CLYBL: variants seen among roughly 807,000 people sequenced by gnomAD.
CLYBL encodes the protein citramalyl-CoA lyase, also known as citramalyl-CoA lyase, mitochondrial.
A neutral mutation model predicts 38.9 loss-of-function variants in CLYBL; 31 were observed. The observed-to-expected ratio is 0.80, with a 90% CI of 0.60 to 1.08. The LOEUF (loss-of-function observed/expected upper bound fraction) is 1.08, where lower values mean the gene tolerates loss of function less well. CLYBL is among the 50% of genes least tolerant of loss of function. CLYBL has a pLI of 0.00. For synonymous variants in CLYBL, 171 were observed against 158.6 expected, an observed-to-expected ratio of 1.08 and a Z score of -0.59; for missense variants, 434 against 411.6, an observed-to-expected ratio of 1.05 and a Z score of -0.47.
intron 2 of CLYBL, among the ~76,000 whole-genome samples, chr13:99,838,826 AGACAGG>A (rs1294360462): frequency 2.6e-5 from 4 of 152,240 alleles, no homozygotes; most frequent in African/African-American, 9.6e-5. Context: ...TTTTTAGTAG[AGACAGG>A]GTTTCACTGT....
At position 99,648,148 on chromosome 13, in the gene CLYBL, G is replaced by A. The variant is rs752660731; in HGVS notation, c.62+41391G>A. On this transcript the variant is annotated intron_variant, in intron 1 of 8. Coordinates refer to ENST00000339105, the MANE Select transcript of CLYBL (RefSeq NM_206808.5). ...ACAGACAAATAAAGAAAGTATGTTC[G>A]GGGGGGAAAAATCCTTTTTAAAAAT... 3.3e-5 allele frequency among the ~76,000 whole-genome samples: 5 copies of A among 151,962 alleles called. No homozygotes were observed. In the East Asian group the frequency reaches 7.7e-4, roughly 23 times the overall value.
chr13:99,884,385 C>T (rs2052292267), intron 7 of CLYBL, among the ~76,000 whole-genome samples: 1 of 152,104 alleles, frequency 6.6e-6, no homozygotes. Context: ...CATCATGTGC[C>T]CTGGTCTGTC....
chr13:99,863,311 A>C (rs1254519558), intron 4 of CLYBL, among the ~76,000 whole-genome samples: 1 of 152,250 alleles, frequency 6.6e-6, no homozygotes, highest in African/African-American at 2.4e-5. Flanking sequence ...AAAGCTTCCC[A>C]GTCCAAAATA....
At chr13:99,870,859 G>C in intron 6 of CLYBL, 79 bp from the exon 7 acceptor site, 1 of 1,471,814 alleles carries the variant, frequency 6.8e-7, no homozygotes, top group Admixed American at 2.2e-5. Flanking sequence ...AGGCCTTCAG[G>C]AACCTCACGC....
intron 1 of CLYBL, among the ~76,000 whole-genome samples, chr13:99,695,142 C>A (rs1463002597): frequency 2.0e-5 from 3 of 152,094 alleles, no homozygotes. Context: ...TTAAAAGTTC[C>A]TGCTACCGTT....
chr13:99,859,300 AG>A (rs1365857250), intron 3 of CLYBL, among the ~76,000 whole-genome samples: 1 of 152,220 alleles, frequency 6.6e-6, no homozygotes, highest in African/African-American at 2.4e-5. Flanking sequence ...TGGTTTGGCC[AG>A]AACAGCCTCC....
chr13:99,660,852 TGTGTTGAAAA>T (rs145468436), intron 1 of CLYBL, among the ~76,000 whole-genome samples: 3,598 of 152,266 alleles, frequency 0.024, 126 homozygotes, highest in African/African-American at 0.081. Flanking sequence ...TGTGTTGCAG[TGTGTTGAAAA>T]ATCAGTACTT....
chr13:99,899,924 TTTTA>T (rs943535081), downstream of CLYBL, among the ~76,000 whole-genome samples: 8 of 151,998 alleles, frequency 5.3e-5, no homozygotes, highest in African/African-American at 9.7e-5. Context: ...TTATTTTTAT[TTTTA>T]TTTATTTATT....
At chr13:99,853,938 G>C (rs143895205) in intron 2 of CLYBL, among the ~76,000 whole-genome samples, 1 of 152,158 alleles carries the variant, frequency 6.6e-6, no homozygotes, top group East Asian at 1.9e-4. Flanking sequence ...CTTCATGCCC[G>C]TGACATGACA....
intron 2 of CLYBL, among the ~76,000 whole-genome samples, chr13:99,773,290 A>G (rs927338001): frequency 6.6e-6 from 1 of 152,196 alleles, no homozygotes; most frequent in Non-Finnish European, 1.5e-5. Flanking sequence ...TTTGGCCATG[A>G]TGTTTGCCGG....
chr13:99,744,510 G>T (rs527937219), intron 1 of CLYBL, among the ~76,000 whole-genome samples: 2 of 152,242 alleles, frequency 1.3e-5, no homozygotes, highest in Admixed American at 1.3e-4. Context: ...CAGTCTGCAG[G>T]GTTCTTATGA....
chr13:99,694,907 G>T (rs2047956456), intron 1 of CLYBL, among the ~76,000 whole-genome samples: 1 of 152,024 alleles, frequency 6.6e-6, no homozygotes, highest in Non-Finnish European at 1.5e-5. Flanking sequence ...GAAAGTTGGG[G>T]GAAAGAACTC....
At chr13:99,812,084 C>T (rs2050353882) in intron 2 of CLYBL, among the ~76,000 whole-genome samples, 1 of 152,216 alleles carries the variant, frequency 6.6e-6, no homozygotes, top group South Asian at 2.1e-4. Flanking sequence ...CTGACCTAAA[C>T]TGCTGTGAGA....
intron 2 of CLYBL, among the ~76,000 whole-genome samples, chr13:99,837,625 C>A (rs924862683): frequency 3.3e-5 from 5 of 151,736 alleles, no homozygotes; most frequent in Non-Finnish European, 7.4e-5. Context: ...TGGGAAAATG[C>A]TCTGTGAGGA....
chr13:99,755,418 A>G (rs1171436843), intron 1 of CLYBL, among the ~76,000 whole-genome samples: 1 of 152,122 alleles, frequency 6.6e-6, no homozygotes, highest in Non-Finnish European at 1.5e-5. Context: ...CAGGAAATGC[A>G]TGAGGTGTGC....
chr13:99,881,089 C>A (rs972134700), intron 7 of CLYBL, among the ~76,000 whole-genome samples: 4 of 152,298 alleles, frequency 2.6e-5, no homozygotes, highest in Admixed American at 2.6e-4. Context: ...CCGATATTCC[C>A]ACTGTTACAT....
intron 1 of CLYBL, among the ~76,000 whole-genome samples, chr13:99,748,847 A>G (rs910756882): frequency 2.6e-5 from 4 of 152,158 alleles, no homozygotes; most frequent in African/African-American, 7.2e-5. Context: ...CATAATGAAG[A>G]ACTTTAATTT....
At position 99,870,852 on chromosome 13, in the gene CLYBL, C is replaced by A. The variant is rs756103674; in HGVS notation, c.803-86C>A. 6.6e-6 allele frequency: 9 copies of A among 1,367,604 alleles called. No homozygotes were observed. In the Middle Eastern group the frequency reaches 7.5e-4, roughly 114 times the overall value. The allele number at this position is 1,367,604 out of a possible 1,614,324, so 84.7% of individuals were successfully genotyped here. A position where few individuals can be genotyped will look rare whatever the true frequency, so the allele number is the denominator to read the frequency against. On this transcript the variant is annotated intron_variant, in intron 6 of 8. Transcript: ENST00000339105. ...GTTATTTAACATACAGTCTATGAGG[C>A]CTTCAGGAACCTCACGCGATAGAAA...
chr13:99,775,386 C>T (rs756069156), intron 2 of CLYBL, among the ~76,000 whole-genome samples: 16 of 152,124 alleles, frequency 1.1e-4, no homozygotes, highest in African/African-American at 2.9e-4. Flanking sequence ...AATGATTGCC[C>T]ACCATCTTGA....
Sources: gnomAD v4.1 joint callset for allele counts (sites outside exome capture counted in the v4.1 genomes callset) on GRCh38, gnomAD v4.1.1 for gene constraint, MANE v1.5 for transcripts, NCBI Gene and HGNC (gene_info 2026-07-23, HGNC 2026-07-21) for gene names.